Variants in NAV2 observed in about 807,000 individuals in gnomAD.
NAV2 encodes helicase, APC down-regulated 1.
Under a neutral mutation model 223.2 loss-of-function variants are expected in NAV2, and 54 were observed. That is an observed-to-expected ratio of 0.24 (90% CI 0.19 to 0.30). The LOEUF (loss-of-function observed/expected upper bound fraction) is 0.30. Ranked by LOEUF, NAV2 falls within the 10% of genes least tolerant of loss-of-function variation. The pLI is 1.00. For synonymous variants in NAV2, 1,279 were observed against 1,239.3 expected (o/e 1.03, Z -0.67); for missense variants, 2,806 against 3,147.5 (o/e 0.89, Z 2.60).
chr11:19,538,677 T>G (rs2044255568), intron 1 of NAV2, among the ~76,000 whole-genome samples: 1 of 117,050 alleles, frequency 8.5e-6, no homozygotes, highest in African/African-American at 3.6e-5. Context: ...ATAACTTTCT[T>G]TTTTTTTTAT....
intron 1 of NAV2, among the ~76,000 whole-genome samples, chr11:19,718,038 G>T (rs2050445022): frequency 6.6e-6 from 1 of 151,870 alleles, no homozygotes; most frequent in South Asian, 2.1e-4. Flanking sequence ...ACCTACAGCT[G>T]GTTCTCCCCC....
intron 1 of NAV2, among the ~76,000 whole-genome samples, chr11:19,789,352 G>A (rs1171510152): frequency 1.3e-5 from 2 of 152,146 alleles, no homozygotes; most frequent in Non-Finnish European, 2.9e-5. Flanking sequence ...GCAAGTAGTC[G>A]AAATCCCAAA....
intron 1 of NAV2, among the ~76,000 whole-genome samples, chr11:19,512,979 G>C (rs1437843788): frequency 1.3e-5 from 2 of 152,082 alleles, no homozygotes; most frequent in Non-Finnish European, 2.9e-5. Flanking sequence ...AAATATGTAG[G>C]GGAGCCCAAG....
rs894210935 is a variant in NAV2, at chr11:19,914,179, A to G, written c.932-18997A>G. Among the ~76,000 whole-genome samples the G allele has an allele frequency of 9.8e-5, 15 of 152,340 alleles. No homozygotes were observed. In the East Asian group the frequency reaches 2.9e-3, roughly 29 times the overall value. The stretch of plus-strand genomic sequence containing the variant: ...TTCCCTCCAGAATCAATTGTTAGTC[A>G]TTTGCCAGCCATTAAATGTGAATTG... On this transcript the variant is annotated intron_variant, in intron 6 of 37. Coordinates refer to ENST00000349880, the MANE Select transcript of NAV2 (RefSeq NM_145117.5).
rs2153368101 is a variant in NAV2 at position 19,949,088 on chromosome 11, C to T, written c.2645+8C>T. ...CGATGACATTACAAGCGGGTAAGTACCCGGGGCCGCCCTTTCTCCCAGAGA... is the reference window on the plus strand; with the variant it reads ...CGATGACATTACAAGCGGGTAAGTATCCGGGGCCGCCCTTTCTCCCAGAGA... On this transcript the variant is annotated splice_region_variant and intron_variant, in intron 10 of 37. Transcript: ENST00000349880. 1.3e-6 allele frequency: 2 copies of T among 1,571,874 alleles called. No homozygotes were observed. The highest frequency in any genetic ancestry group is 1.8e-4 in the Middle Eastern group (1 of 5,498).
chr11:20,068,134 C>T (rs1343881852), intron 20 of NAV2, 52 bp from the exon 21 acceptor site: 6 of 1,538,642 alleles, frequency 3.9e-6, no homozygotes, highest in African/African-American at 1.4e-5. Context: ...GGCTGGACTA[C>T]ACTATTCTTT....
intron 1 of NAV2, among the ~76,000 whole-genome samples, chr11:19,690,082 T>C (rs2049126738): frequency 6.6e-6 from 1 of 152,170 alleles, no homozygotes; most frequent in African/African-American, 2.4e-5. Flanking sequence ...GTGATTCTTC[T>C]GCCTCAGCCT....
intron 1 of NAV2, among the ~76,000 whole-genome samples, chr11:19,459,413 G>A (rs563741053): frequency 6.6e-6 from 1 of 152,334 alleles, no homozygotes; most frequent in East Asian, 1.9e-4. Context: ...GATTAGCTCT[G>A]AGTGGATTGA....
intron 8 of NAV2, among the ~76,000 whole-genome samples, chr11:19,945,166 C>T (rs1222834096): frequency 1.9e-4 from 8 of 42,606 alleles, no homozygotes; most frequent in Admixed American, 7.9e-4. Context: ...CCTTCCCTTC[C>T]CTTCCCTTCC....
intron 1 of NAV2, among the ~76,000 whole-genome samples, chr11:19,356,576 G>T (rs939439222): frequency 6.6e-6 from 1 of 152,182 alleles, no homozygotes; most frequent in Non-Finnish European, 1.5e-5. Flanking sequence ...CTCTGGAGGA[G>T]GGGGAACGTG....
chr11:19,393,906 C>CTTTTTTTTTTTTTTTTTTTTTT (rs5790073), intron 1 of NAV2, among the ~76,000 whole-genome samples: 2 of 135,704 alleles, frequency 1.5e-5, no homozygotes, highest in Admixed American at 7.4e-5. Flanking sequence ...TTTTTTTTTT[C>CTTTTTTTTTTTTTTTTTTTTTT]TTTTTTTTTT....
chr11:19,466,253 T>C (rs1852346014), intron 1 of NAV2, among the ~76,000 whole-genome samples: 1 of 152,216 alleles, frequency 6.6e-6, no homozygotes. Context: ...ATTGGTGGGA[T>C]TTCCCCTCCT....
At chr11:19,526,959 G>A (rs959815008) in intron 1 of NAV2, among the ~76,000 whole-genome samples, 11 of 152,112 alleles carry the variant, frequency 7.2e-5, no homozygotes, top group African/African-American at 2.2e-4. Flanking sequence ...AGGTCCCTGG[G>A]GTTCATGGCT....
intron 1 of NAV2, among the ~76,000 whole-genome samples, chr11:19,361,993 G>A (rs889900248): frequency 1.3e-5 from 2 of 152,152 alleles, no homozygotes; most frequent in Non-Finnish European, 2.9e-5. Flanking sequence ...AAGGTAGAGG[G>A]GATGGAGAGG....
chr11:19,485,524 T>C (rs1265180421), intron 1 of NAV2, among the ~76,000 whole-genome samples: 1 of 152,150 alleles, frequency 6.6e-6, no homozygotes, highest in African/African-American at 2.4e-5. Context: ...CCTTATTAAT[T>C]CAAAAACTGC....
rs766930482 is a variant in NAV2 at position 19,984,194 on chromosome 11, G to A, written c.2715G>A (p.Val905=). The part of the protein sequence containing the change: ...RLNRLPDGMA[V]VRETLQRNTS... ...ACCGGCTCCCTGATGGGATGGCTGTGGTACGGGAGACCCTGCAACGAAATA... is the reference window on the plus strand; with the variant it reads ...ACCGGCTCCCTGATGGGATGGCTGTAGTACGGGAGACCCTGCAACGAAATA... Residue 905 remains valine (V), a synonymous_variant, in exon 11 of 38, where the codon GTG becomes GTA. Transcript: ENST00000349880. 2.5e-6 allele frequency: 4 copies of A among 1,614,086 alleles called. No individual in the cohort carries two copies. In the Admixed American group the frequency reaches 5.0e-5, roughly 20 times the overall value.
chr11:19,700,040 T>A (rs2049465807), intron 1 of NAV2, among the ~76,000 whole-genome samples: 1 of 152,134 alleles, frequency 6.6e-6, no homozygotes, highest in South Asian at 2.1e-4. Flanking sequence ...TTCCACACAT[T>A]CAGATATATC....
At chr11:19,536,272 C>G (rs2044186595) in intron 1 of NAV2, among the ~76,000 whole-genome samples, 1 of 152,192 alleles carries the variant, frequency 6.6e-6, no homozygotes, top group African/African-American at 2.4e-5. Flanking sequence ...GCCCAGCTGA[C>G]ATTTTGGTCA....
At chr11:19,992,576 T>C (rs1201813434) in intron 11 of NAV2, among the ~76,000 whole-genome samples, 1 of 145,602 alleles carries the variant, frequency 6.9e-6, no homozygotes, top group Non-Finnish European at 1.5e-5. Flanking sequence ...ATCATGCTCC[T>C]GAAGTACTTT....
Sources: allele counts gnomAD v4.1 joint callset (sites outside exome capture counted in the v4.1 genomes callset), GRCh38; gene constraint gnomAD v4.1.1; transcripts MANE v1.5; gene names NCBI Gene and HGNC (gene_info 2026-07-23, HGNC 2026-07-21).